The following CD8A variants were observed in gnomAD, a reference collection of about 807,000 sequenced individuals.
CD8A encodes the protein CD8 subunit alpha.
In CD8A, 25 loss-of-function variants were observed where a neutral mutation model predicts 24.2. That is an observed-to-expected ratio of 1.03 (90% CI 0.75 to 1.44). The LOEUF (loss-of-function observed/expected upper bound fraction) is 1.44, where lower values mean the gene tolerates loss of function less well. CD8A is among the 40% of genes most tolerant of loss of function. The pLI is 0.00. For missense variants in CD8A, 360 were observed against 319.7 expected (o/e 1.13, Z -0.96); for synonymous variants, 165 against 149.9 (o/e 1.10, Z -0.74).
intron 2 of CD8A, among the ~76,000 whole-genome samples, chr2:86,803,565 T>C (rs1281379658): frequency 6.6e-6 from 1 of 152,218 alleles, no homozygotes; most frequent in Non-Finnish European, 1.5e-5. Flanking sequence ...ATTTATTTAT[T>C]TTCTTAGACG....
chr2:86,790,566 C>A lies in CD8A; in HGVS notation c.165G>T (p.Ser55=). The A allele has an allele frequency of 6.2e-7, 1 of 1,613,064 alleles. No individual in the cohort carries two copies. Among genetic ancestry groups the A allele is most frequent in the Non-Finnish European group, 8.5e-7 (1 of 1,179,962 alleles). The change falls in exon 2 of 6, where the codon TCG becomes TCT. Residue 55 remains serine (S), a synonymous_variant. Transcript: ENST00000283635. ...CGGCGCCGCGCGGCTGGAAGAGCCA[C>A]GAGCAGCCCGACGTCGGGTTGGACA... ...VLLSNPTSGC[S]WLFQPRGAAA...
At chr2:86,799,392 A>G (rs1010011943) in intron 3 of CD8A, among the ~76,000 whole-genome samples, 2 of 152,214 alleles carry the variant, frequency 1.3e-5, no homozygotes, top group African/African-American at 4.8e-5. Context: ...AACATTTTTC[A>G]TGTAATTTCC....
upstream of CD8A, chr2:86,790,944 C>G: frequency 3.0e-6 from 3 of 991,546 alleles, no homozygotes; most frequent in South Asian, 1.4e-5. Context: ...AGCCTGATTT[C>G]GCATTTGGAG....
At chr2:86,786,900 G>T (rs1047642882) in intron 5 of CD8A, among the ~76,000 whole-genome samples, 1 of 148,838 alleles carries the variant, frequency 6.7e-6, no homozygotes, top group African/African-American at 2.5e-5. Context: ...GGTGCCTGTA[G>T]TCCCAGCTAC....
Position 86,789,621 on chromosome 2 carries a change from GGGCCCCCGCACGCCTCACC to G in CD8A, c.514_514+18del. ...CCGCGGTGCGTGCCGCCCCCGCCCC[GGGCCCCCGCACGCCTCACC>G]TGCGCCCCCCGCCGCTGGCCGGCAC... On this transcript the variant is annotated splice_donor_variant and splice_donor_5th_base_variant and coding_sequence_variant and intron_variant, in exon 3 of 6. Transcript: ENST00000283635. LOFTEE classifies it high-confidence loss of function. 6.8e-7 allele frequency: 1 copy of G among 1,477,938 alleles called. No individual in the cohort carries two copies. Among genetic ancestry groups the G allele is most frequent in the Non-Finnish European group, 9.0e-7 (1 of 1,107,506 alleles). The allele number at this position is 1,477,938 out of a possible 1,614,324, so 91.6% of individuals were successfully genotyped here.
intron 2 of CD8A, among the ~76,000 whole-genome samples, chr2:86,802,718 G>A (rs1305443222): frequency 6.6e-6 from 1 of 152,094 alleles, no homozygotes; most frequent in Admixed American, 6.5e-5. Flanking sequence ...TGATTCTCGT[G>A]TCTCAGCCAC....
At chr2:86,792,635 C>A (rs145337578), upstream of CD8A, among the ~76,000 whole-genome samples, 315 of 152,122 alleles carry the variant, frequency 2.1e-3, 2 homozygotes, top group African/African-American at 7.3e-3. Flanking sequence ...GCTGGGACCA[C>A]AGGAGCACAC....
upstream of CD8A, chr2:86,791,821 C>T: frequency 2.7e-6 from 1 of 366,360 alleles, no homozygotes; most frequent in Non-Finnish European, 5.4e-6. Flanking sequence ...TGTGCTTTCA[C>T]GCCCTTGCAC....
chr2:86,807,542 G>C (rs954215903), exon 2 of CD8A: 2 of 152,630 alleles, frequency 1.3e-5, no homozygotes, highest in Non-Finnish European at 2.9e-5. Context: ...GCTTCGTCCG[G>C]CTTCATCGCC....
upstream of CD8A, among the ~76,000 whole-genome samples, chr2:86,792,660 A>G (rs1265783431): frequency 1.3e-5 from 2 of 151,744 alleles, no homozygotes; most frequent in Non-Finnish European, 2.9e-5. Flanking sequence ...ATGCCCAGCT[A>G]ATTTTTTGTA....
rs1293561368 is a variant in CD8A, at chr2:86,790,337, A to C, written c.394T>G (p.Phe132Val). 17 of 1,613,402 alleles carry C rather than the reference A, an allele frequency of 1.1e-5. No individual in the cohort carries two copies. Among genetic ancestry groups the C allele is most frequent in the Non-Finnish European group, 1.4e-5 (16 of 1,179,498 alleles). The change falls in exon 2 of 6, where the codon TTC becomes GTC. Residue 132 changes from phenylalanine (F) to valine (V), a missense_variant. Coordinates refer to ENST00000283635, the MANE Select transcript of CD8A (RefSeq NM_001768.7). ...AACCCGGCGCGCGGACCTGGCAGGAAGACCGGCACGAAGTGGCTGAAGTAC... is the reference window on the plus strand; with the variant it reads ...AACCCGGCGCGCGGACCTGGCAGGACGACCGGCACGAAGTGGCTGAAGTAC... ...IMYFSHFVPV[F>V]LPAKPTTTPA... is the part of the protein sequence containing the mutation.
chr2:86,791,053 GCCGT>G, upstream of CD8A: 1 of 702,662 alleles, frequency 1.4e-6, no homozygotes, highest in East Asian at 2.7e-5. Context: ...CGTGAATAGG[GCCGT>G]CGAGGCAGCC....
In CD8A at chr2:86,789,365, C is replaced by T; in HGVS notation, c.583G>A (p.Val195Ile). The T allele has an allele frequency of 6.2e-7, 1 of 1,613,734 alleles. No individual in the cohort carries two copies. Among genetic ancestry groups the T allele is most frequent in the South Asian group, 1.1e-5 (1 of 91,076 alleles). ...GTGATAACCAGTGACAGGAGAAGGACCCCACAAGTCCCGGCCAAGGGCGCC... is the reference window on the plus strand; with the variant it reads ...GTGATAACCAGTGACAGGAGAAGGATCCCACAAGTCCCGGCCAAGGGCGCC... The part of the protein sequence containing the change: ...IWAPLAGTCG[V>I]LLLSLVITLY... Residue 195 changes from valine (V) to isoleucine (I), a missense_variant, in exon 4 of 6, where the codon GTC becomes ATC. Transcript: ENST00000283635.
intron 3 of CD8A, among the ~76,000 whole-genome samples, chr2:86,799,612 C>T (rs181046635): frequency 1.8e-4 from 27 of 152,168 alleles, no homozygotes; most frequent in Non-Finnish European, 2.4e-4. Flanking sequence ...AAAAATTAGC[C>T]GGGCACGGTG....
upstream of CD8A, among the ~76,000 whole-genome samples, chr2:86,794,950 A>G (rs1388372366): frequency 6.6e-6 from 1 of 152,080 alleles, no homozygotes; most frequent in African/African-American, 2.4e-5. Context: ...CTCTCTGCTT[A>G]CCAAACTCCT....
intron 3 of CD8A, among the ~76,000 whole-genome samples, chr2:86,799,755 CA>C (rs147022071): frequency 0.11 from 15,440 of 143,448 alleles, 2,457 homozygotes; most frequent in African/African-American, 0.35. Context: ...GACTCTGTCT[CA>C]AAAAAAAAAG....
chr2:86,790,632 C>T lies in CD8A; in HGVS notation c.99G>A (p.Trp33Ter). Reference sequence around the variant, plus strand: ...TCAGCTCCACTGTCTCGCCCAGGTTCCAGGTCCGATCCAGCGGCGACACCC... The same window carrying T: ...TCAGCTCCACTGTCTCGCCCAGGTTTCAGGTCCGATCCAGCGGCGACACCC... ...QFRVSPLDRT[W>*]NLGETVELKC... Residue 33 changes from tryptophan to a stop codon, truncating the protein, a stop_gained, in exon 2 of 6, where the codon TGG (tryptophan) becomes TGA (stop). Coordinates refer to ENST00000283635, the MANE Select transcript of CD8A (RefSeq NM_001768.7). LOFTEE classifies it high-confidence loss of function. The T allele has an allele frequency of 6.2e-7, 1 of 1,604,700 alleles. No individual in the cohort carries two copies. The highest frequency in any genetic ancestry group is 1.1e-5 in the South Asian group (1 of 90,974).
chr2:86,787,331 CAAT>C (rs1160071061), intron 5 of CD8A, among the ~76,000 whole-genome samples: 1 of 151,988 alleles, frequency 6.6e-6, no homozygotes. Context: ...CTAAAAACAA[CAAT>C]GTGTAAAGTC....
chr2:86,791,657 GC>G (rs1453126509), upstream of CD8A: 7 of 454,030 alleles, frequency 1.5e-5, no homozygotes, highest in Non-Finnish European at 4.4e-6. Flanking sequence ...GCCTCCCATG[GC>G]CTGCATTGCT....
Sources: allele counts gnomAD v4.1 joint callset (sites outside exome capture counted in the v4.1 genomes callset), GRCh38; gene constraint gnomAD v4.1.1; transcripts MANE v1.5; gene names NCBI Gene and HGNC (gene_info 2026-07-23, HGNC 2026-07-21).